Variants in TNKS2 observed in about 807,000 individuals in gnomAD.
TNKS2 encodes the protein poly [ADP-ribose] polymerase tankyrase-2.
Under a neutral mutation model 137.6 loss-of-function variants are expected in TNKS2, and 72 were observed. That is an observed-to-expected ratio of 0.52 (90% confidence interval 0.43 to 0.64). The LOEUF is 0.64. TNKS2 is among the 30% of genes least tolerant of loss of function. The pLI is 0.00. For missense variants in TNKS2, 1,049 were observed against 1,410.2 expected, an observed-to-expected ratio of 0.74 and a Z score of 4.10; for synonymous variants, 516 against 512.1, an observed-to-expected ratio of 1.01 and a Z score of -0.10.
chr10:91,812,659 T>C, intron 1 of TNKS2: 1 of 463,588 alleles, frequency 2.2e-6, no homozygotes, highest in South Asian at 9.2e-5. Flanking sequence ...ACATACTAAA[T>C]ACGCAGAACT....
chr10:91,856,689 G>T (rs916024537), intron 23 of TNKS2, among the ~76,000 whole-genome samples: 4 of 151,780 alleles, frequency 2.6e-5, no homozygotes, highest in Non-Finnish European at 4.4e-5. Flanking sequence ...GGTTTTTTTT[G>T]TTGTTGTTGT....
At chr10:91,822,413 C>A in intron 7 of TNKS2, 51 bp downstream of exon 7, 1 of 1,404,698 alleles carries the variant, frequency 7.1e-7, no homozygotes, top group South Asian at 1.2e-5. Flanking sequence ...TATAAAATAA[C>A]TTGAAATACA....
At position 91,827,008 on chromosome 10, in the gene TNKS2, G is replaced by C; in HGVS notation, c.796-9G>C. 6.6e-7 allele frequency: 1 copy of C among 1,517,170 alleles called. No homozygotes were observed. The highest frequency in any genetic ancestry group is 8.8e-7 in the Non-Finnish European group (1 of 1,131,296). 94.0% of individuals were successfully genotyped at this position (1,517,170 alleles called of 1,614,324 possible). A position where few individuals can be genotyped will look rare whatever the true frequency, so the allele number is the denominator to read the frequency against. ...ATTGAACATTAAATATATGCTTTTT[G>C]CTCTCCAGCATGGTGCCTGTGTAAA... On this transcript the variant is annotated splice_polypyrimidine_tract_variant and intron_variant, in intron 7 of 26. Transcript: ENST00000371627.
At chr10:91,840,030 G>A (rs956204342) in intron 13 of TNKS2, among the ~76,000 whole-genome samples, 2 of 152,114 alleles carry the variant, frequency 1.3e-5, no homozygotes, top group East Asian at 3.9e-4. Flanking sequence ...TTGAGCGTTA[G>A]AAAAAGTAGA....
intron 24 of TNKS2, among the ~76,000 whole-genome samples, chr10:91,859,193 A>C (rs1842789781): frequency 6.6e-6 from 1 of 152,112 alleles, no homozygotes; most frequent in African/African-American, 2.4e-5. Flanking sequence ...GGTAACTCTT[A>C]CACTGATATT....
intron 1 of TNKS2, among the ~76,000 whole-genome samples, chr10:91,810,749 C>G (rs1844469401): frequency 6.6e-6 from 1 of 151,164 alleles, no homozygotes; most frequent in Non-Finnish European, 1.5e-5. Flanking sequence ...ACCTCGTGAT[C>G]CACCCGCCTC....
At chr10:91,857,637 T>C (rs1261302893) in intron 24 of TNKS2, 107 bp downstream of exon 24, 3 of 536,868 alleles carry the variant, frequency 5.6e-6, no homozygotes, top group African/African-American at 1.9e-5. Flanking sequence ...GTCAGTATTT[T>C]AAGATAAACC....
In TNKS2 at chr10:91,863,320, A is replaced by G; in HGVS notation, c.*321A>G. 1 of 201,350 alleles carries G rather than the reference A, an allele frequency of 5.0e-6. No individual in the cohort carries two copies. Among genetic ancestry groups the G allele is most frequent in the Non-Finnish European group, 1.0e-5 (1 of 99,554 alleles). 12.5% of individuals were successfully genotyped at this position (201,350 alleles called of 1,614,324 possible). On this transcript the variant is annotated 3_prime_UTR_variant, in exon 27 of 27. Transcript: ENST00000371627. ...ATTCTAACAAACTGTAATGCCCTCA[A>G]CAGAACTAATTTTACTAATACAATA...
At chr10:91,857,333 T>G (rs1463737352) in intron 23 of TNKS2, 92 bp from the exon 24 acceptor site, 4 of 724,582 alleles carry the variant, frequency 5.5e-6, no homozygotes, top group Non-Finnish European at 8.7e-6. Flanking sequence ...TTTGCCTACC[T>G]TCTAGCTAAA....
At chr10:91,847,879 C>T (rs1002050538) in intron 18 of TNKS2, among the ~76,000 whole-genome samples, 1 of 152,136 alleles carries the variant, frequency 6.6e-6, no homozygotes, top group Non-Finnish European at 1.5e-5. Flanking sequence ...CGTTGTGCTT[C>T]TCAGTCACAG....
intron 9 of TNKS2, among the ~76,000 whole-genome samples, 191 bp downstream of exon 9, chr10:91,828,597 A>G (rs1346411671): frequency 6.6e-6 from 1 of 152,188 alleles, no homozygotes; most frequent in Non-Finnish European, 1.5e-5. Context: ...AGCCAATGCT[A>G]TTATCAGTTC....
chr10:91,857,375 G>A (rs771441108), intron 23 of TNKS2, 50 bp from the exon 24 acceptor site: 16 of 1,349,452 alleles, frequency 1.2e-5, no homozygotes, highest in Non-Finnish European at 1.5e-5. Flanking sequence ...AGATGAAGAA[G>A]TCAGTAAGTA....
intron 2 of TNKS2, among the ~76,000 whole-genome samples, chr10:91,816,660 A>T (rs891415040): frequency 8.7e-5 from 13 of 150,244 alleles, no homozygotes; most frequent in Non-Finnish European, 1.6e-4. Context: ...TGTGTTTTTT[A>T]AAAAAGAATT....
intron 24 of TNKS2, 37 bp from the exon 25 acceptor site, chr10:91,859,425 A>C (rs371117040): frequency 2.9e-6 from 4 of 1,393,158 alleles, no homozygotes; most frequent in Non-Finnish European, 3.8e-6. Flanking sequence ...TCTAAGATAA[A>C]TTTTAAATTA....
chr10:91,807,658 G>T (rs969707198), intron 1 of TNKS2, among the ~76,000 whole-genome samples: 1 of 152,216 alleles, frequency 6.6e-6, no homozygotes, highest in Non-Finnish European at 1.5e-5. Context: ...GGGAAGTAGT[G>T]ATGAATTAAG....
chr10:91,837,341 A>G (rs1162530420), intron 13 of TNKS2, among the ~76,000 whole-genome samples: 1 of 152,236 alleles, frequency 6.6e-6, no homozygotes, highest in African/African-American at 2.4e-5. Flanking sequence ...ACATAAAACA[A>G]GAAAGGGGAA....
At chr10:91,856,677 C>T (rs990593216) in intron 23 of TNKS2, among the ~76,000 whole-genome samples, 3 of 152,060 alleles carry the variant, frequency 2.0e-5, no homozygotes, top group South Asian at 2.1e-4. Flanking sequence ...AGTGATGAAA[C>T]GGGTTTTTTT....
At position 91,831,271 on chromosome 10, in the gene TNKS2, T is replaced by C. The variant is rs972721521; in HGVS notation, c.1275+90T>C. The C allele has an allele frequency of 2.6e-6, 3 of 1,159,418 alleles. No homozygotes were observed. In the African/African-American group the frequency reaches 4.6e-5, roughly 18 times the overall value. The allele number at this position is 1,159,418 out of a possible 1,614,324, so 71.8% of individuals were successfully genotyped here. A position where few individuals can be genotyped will look rare whatever the true frequency, so the allele number is the denominator to read the frequency against. On this transcript the variant is annotated intron_variant, in intron 11 of 26. Coordinates refer to ENST00000371627, the MANE Select transcript of TNKS2 (RefSeq NM_025235.4). ...GCCTGACTTCCTAAACTATTTACTT[T>C]CTCATAAGTATTACTTTTTTTTCCT...
Position 91,833,410 on chromosome 10 carries a change from A to G in TNKS2, c.1276-443A>G, listed in dbSNP as rs565486019. Among the ~76,000 whole-genome samples, 18 of 152,250 alleles carry G rather than the reference A, an allele frequency of 1.2e-4. No homozygotes were observed. In the South Asian group the frequency reaches 2.7e-3, roughly 23 times the overall value. ...TGACTATTCCATAGTATGTGTATCT[A>G]TATATTTTAGGTAATAAATAAGGGA... On this transcript the variant is annotated intron_variant, in intron 11 of 26. Transcript: ENST00000371627.
Sources: allele counts gnomAD v4.1 joint callset (sites outside exome capture counted in the v4.1 genomes callset), GRCh38; gene constraint gnomAD v4.1.1; transcripts MANE v1.5; gene names NCBI Gene and HGNC (gene_info 2026-07-23, HGNC 2026-07-21).